Variants in PAPSS2 observed in about 807,000 individuals in gnomAD.
PAPSS2 encodes the protein 3'-phosphoadenosine 5'-phosphosulfate synthase 2, also known as bifunctional 3'-phosphoadenosine 5'-phosphosulfate synthase 2.
PAPSS2 carries 61 observed loss-of-function variants against 66.5 expected under a neutral mutation model. The ratio of observed to expected loss-of-function variants is 0.92; its 90% confidence interval spans 0.75 to 1.14. PAPSS2 has a LOEUF of 1.14. PAPSS2 is among the 50% of genes most tolerant of loss of function. The probability of loss-of-function intolerance (pLI) is 0.00; values close to 1 mark genes in which losing one functional copy is unlikely to be tolerated. For synonymous variants in PAPSS2, 289 were observed against 287.5 expected, an observed-to-expected ratio of 1.01 and a Z score of -0.05; for missense variants, 708 against 789.6, an observed-to-expected ratio of 0.90 and a Z score of 1.24.
intron 1 of PAPSS2, among the ~76,000 whole-genome samples, chr10:87,682,109 T>C (rs533863789): frequency 2.0e-5 from 3 of 152,278 alleles, no homozygotes; most frequent in Non-Finnish European, 2.9e-5. Context: ...ATTTGAGTGA[T>C]TGAAAAAATA....
intron 11 of PAPSS2, among the ~76,000 whole-genome samples, chr10:87,743,927 C>T (rs1321661900): frequency 6.6e-6 from 1 of 152,088 alleles, no homozygotes; most frequent in East Asian, 1.9e-4. Context: ...CATGATGAAA[C>T]CCTGTCTCTA....
At chr10:87,711,845 C>A (rs771732443) in intron 2 of PAPSS2, among the ~76,000 whole-genome samples, 1 of 151,932 alleles carries the variant, frequency 6.6e-6, no homozygotes, top group Non-Finnish European at 1.5e-5. Flanking sequence ...AACCTCTTGG[C>A]TTTTTTCCTC....
intron 1 of PAPSS2, among the ~76,000 whole-genome samples, chr10:87,681,525 T>C (rs1391866440): frequency 1.3e-5 from 2 of 152,212 alleles, no homozygotes; most frequent in African/African-American, 2.4e-5. Flanking sequence ...TGAAAAGACT[T>C]TTCTTAGAAA....
chr10:87,732,735 A>C (rs905579958), intron 9 of PAPSS2, among the ~76,000 whole-genome samples: 1 of 152,098 alleles, frequency 6.6e-6, no homozygotes, highest in Non-Finnish European at 1.5e-5. Context: ...TTTTTTCATC[A>C]TGCCTTACAA....
chr10:87,664,043 A>G (rs910906216), intron 1 of PAPSS2, among the ~76,000 whole-genome samples: 1 of 152,214 alleles, frequency 6.6e-6, no homozygotes, highest in Admixed American at 6.5e-5. Flanking sequence ...AGTACCTAGT[A>G]CTACAGGTGC....
At chr10:87,724,461 G>C (rs570011822) in intron 8 of PAPSS2, among the ~76,000 whole-genome samples, 1 of 151,846 alleles carries the variant, frequency 6.6e-6, no homozygotes. Flanking sequence ...CAGTTTCAGT[G>C]TTAGAACCTT....
chr10:87,706,361 T>C (rs957253926), intron 1 of PAPSS2, among the ~76,000 whole-genome samples: 11 of 151,542 alleles, frequency 7.3e-5, no homozygotes, highest in African/African-American at 2.7e-4. Flanking sequence ...TCAGACACAA[T>C]GTTCTTGAAC....
chr10:87,747,011 C>T lies in PAPSS2; in HGVS notation c.*1041C>T, dbSNP rs1589446721. The T allele has an allele frequency of 1.3e-5, 2 of 152,230 alleles. No homozygotes were observed. Among genetic ancestry groups the T allele is most frequent in the Middle Eastern group, 6.8e-3 (2 of 294 alleles). The allele number at this position is 152,230 out of a possible 1,614,324, so 9.4% of individuals were successfully genotyped here. ...GTGCTGGTGGCAGTGAAGAAGCACC[C>T]AGGCCACTTGACTCCCAGTCTGGTG... On this transcript the variant is annotated 3_prime_UTR_variant, in exon 13 of 13. Transcript: ENST00000456849.
chr10:87,679,045 C>A (rs1852984335), intron 1 of PAPSS2, among the ~76,000 whole-genome samples: 1 of 151,880 alleles, frequency 6.6e-6, no homozygotes. Flanking sequence ...CATCAACAGG[C>A]AAATGGATAA....
chr10:87,682,070 C>T (rs557476683), intron 1 of PAPSS2, among the ~76,000 whole-genome samples: 2 of 152,128 alleles, frequency 1.3e-5, no homozygotes, highest in East Asian at 1.9e-4. Flanking sequence ...TGATTCTGGG[C>T]CAGATGACTT....
intron 8 of PAPSS2, 66 bp downstream of exon 8, chr10:87,721,836 G>A (rs1380286150): frequency 2.1e-6 from 2 of 934,264 alleles, no homozygotes; most frequent in Admixed American, 2.5e-5. Context: ...AACTGGAAAT[G>A]GTTAAGAACA....
intron 1 of PAPSS2, among the ~76,000 whole-genome samples, chr10:87,670,034 A>G (rs542915083): frequency 6.6e-6 from 1 of 152,366 alleles, no homozygotes; most frequent in East Asian, 1.9e-4. Context: ...TTTATTAAAA[A>G]AGAGTAAGTG....
intron 10 of PAPSS2, among the ~76,000 whole-genome samples, chr10:87,743,062 A>G (rs1853889537): frequency 6.6e-6 from 1 of 152,156 alleles, no homozygotes; most frequent in Admixed American, 6.5e-5. Context: ...CCTGGCCAAC[A>G]TGGTGAAACC....
chr10:87,722,125 T>C (rs1227986359), intron 8 of PAPSS2, among the ~76,000 whole-genome samples: 1 of 152,248 alleles, frequency 6.6e-6, no homozygotes, highest in Non-Finnish European at 1.5e-5. Flanking sequence ...CTGGAAATTT[T>C]TTTTCCTACA....
chr10:87,676,737 T>C (rs1852952206), intron 1 of PAPSS2, among the ~76,000 whole-genome samples: 1 of 151,970 alleles, frequency 6.6e-6, no homozygotes, highest in African/African-American at 2.4e-5. Context: ...CCAGGTGTGA[T>C]GGCACATGCC....
At chr10:87,723,797 C>A (rs541900622) in intron 8 of PAPSS2, among the ~76,000 whole-genome samples, 1 of 152,214 alleles carries the variant, frequency 6.6e-6, no homozygotes, top group South Asian at 2.1e-4. Flanking sequence ...TCTTATGCCC[C>A]GAAGGAATAG....
chr10:87,738,883 T>C (rs1853832789), intron 9 of PAPSS2, among the ~76,000 whole-genome samples: 1 of 152,230 alleles, frequency 6.6e-6, no homozygotes, highest in South Asian at 2.1e-4. Context: ...GGTTAATTTT[T>C]TTGTCATTGA....
intron 1 of PAPSS2, among the ~76,000 whole-genome samples, chr10:87,688,476 T>TTTATTTAC (rs1218975504): frequency 6.6e-6 from 1 of 151,472 alleles, no homozygotes; most frequent in Non-Finnish European, 1.5e-5. Flanking sequence ...TATTTATTTA[T>TTTATTTAC]TGAGACTAAG....
intron 1 of PAPSS2, among the ~76,000 whole-genome samples, chr10:87,686,099 T>C (rs1204894431): frequency 6.6e-6 from 1 of 150,900 alleles, no homozygotes; most frequent in East Asian, 1.9e-4. Context: ...CTCTGAAAAA[T>C]AAGAAGTGAT....
Sources: gnomAD v4.1 joint callset for allele counts (sites outside exome capture counted in the v4.1 genomes callset) on GRCh38, gnomAD v4.1.1 for gene constraint, MANE v1.5 for transcripts, NCBI Gene and HGNC (gene_info 2026-07-23, HGNC 2026-07-21) for gene names.